MAST2: variants seen among roughly 807,000 people sequenced by gnomAD.
MAST2 encodes the protein microtubule associated serine/threonine kinase 2.
A neutral mutation model predicts 147.4 loss-of-function variants in MAST2; 70 were observed. That is an observed-to-expected ratio of 0.47 (90% CI 0.39 to 0.58). MAST2 has a LOEUF of 0.58. MAST2 is among the 20% of genes least tolerant of loss of function. MAST2 has a pLI of 0.00. For synonymous variants in MAST2, 869 were observed against 896.8 expected (o/e 0.97, Z 0.55); for missense variants, 2,080 against 2,302.3 (o/e 0.90, Z 1.98).
At chr1:45,992,877 TTAAG>T (rs1230412332) in intron 5 of MAST2, among the ~76,000 whole-genome samples, 1 of 152,134 alleles carries the variant, frequency 6.6e-6, no homozygotes, top group Non-Finnish European at 1.5e-5. Context: ...TTATTTGGGG[TTAAG>T]TGTGTATTTT....
At chr1:46,008,748 A>G (rs572607612) in intron 9 of MAST2, among the ~76,000 whole-genome samples, 54 of 152,318 alleles carry the variant, frequency 3.5e-4, no homozygotes, top group Non-Finnish European at 6.3e-4. Context: ...CACTCATTAC[A>G]GGATTTGCCC....
intron 5 of MAST2, among the ~76,000 whole-genome samples, chr1:45,993,582 G>T (rs1420761100): frequency 4.6e-5 from 7 of 152,080 alleles, no homozygotes. Flanking sequence ...TACTTGGGAG[G>T]CTAAGGCAGG....
At chr1:45,863,021 G>A (rs1646030667) in intron 3 of MAST2, among the ~76,000 whole-genome samples, 1 of 151,824 alleles carries the variant, frequency 6.6e-6, no homozygotes, top group African/African-American at 2.4e-5. Context: ...TTCTAGAATA[G>A]GATTATTAGT....
intron 3 of MAST2, among the ~76,000 whole-genome samples, chr1:45,834,730 A>G (rs919238806): frequency 1.3e-5 from 2 of 152,180 alleles, no homozygotes; most frequent in African/African-American, 4.8e-5. Flanking sequence ...CTGAATAAAC[A>G]TACTGGAGCC....
chr1:45,898,686 G>C (rs2148463142), intron 4 of MAST2, among the ~76,000 whole-genome samples: 1 of 152,236 alleles, frequency 6.6e-6, no homozygotes, highest in Middle Eastern at 3.4e-3. Context: ...CAGAGAATCT[G>C]CGCCATAGCC....
intron 3 of MAST2, among the ~76,000 whole-genome samples, chr1:45,869,506 G>A (rs1036988610): frequency 4.6e-5 from 7 of 152,178 alleles, no homozygotes; most frequent in African/African-American, 1.4e-4. Context: ...CACCTTTGGA[G>A]ATTTAAAGAA....
chr1:45,933,720 C>T (rs866927305), intron 4 of MAST2, among the ~76,000 whole-genome samples: 3 of 152,032 alleles, frequency 2.0e-5, no homozygotes, highest in Middle Eastern at 3.2e-3. Flanking sequence ...TGCCATTGCA[C>T]TCTAGCCTGG....
chr1:45,996,472 C>T lies in MAST2; in HGVS notation c.593-1252C>T, dbSNP rs543762527. Among the ~76,000 whole-genome samples, 8 of 152,168 alleles carry T rather than the reference C, an allele frequency of 5.3e-5. No homozygotes were observed. The East Asian group carries it at 1.5e-3, about 29-fold the overall frequency. ...GGATCACTTCCCTTATATCCTGGTG[C>T]CCACTAGCCAGAAGATGGGGAGAGG... On this transcript the variant is annotated intron_variant, in intron 5 of 28. Coordinates refer to ENST00000361297, the MANE Select transcript of MAST2 (RefSeq NM_015112.3).
At chr1:45,939,014 TGTATTTGGATG>T (rs1320486559) in intron 4 of MAST2, among the ~76,000 whole-genome samples, 1 of 152,146 alleles carries the variant, frequency 6.6e-6, no homozygotes, top group East Asian at 1.9e-4. Context: ...GTTCTTTCCA[TGTATTTGGATG>T]GTGTCGTTTG....
intron 3 of MAST2, chr1:45,847,476 G>A: frequency 4.6e-6 from 3 of 648,496 alleles, no homozygotes; most frequent in South Asian, 1.5e-5. Flanking sequence ...GAAACACAAG[G>A]CCTTTTCATT....
Position 46,034,561 on chromosome 1 carries a change from A to G in MAST2, c.3892A>G (p.Ser1298Gly). The G allele has an allele frequency of 6.2e-7, 1 of 1,613,540 alleles. No individual in the cohort carries two copies. The highest frequency in any genetic ancestry group is 1.7e-5 in the Admixed American group (1 of 59,990). The change falls in exon 29 of 29, where the codon AGC becomes GGC. Residue 1298 changes from serine to glycine, a missense_variant. Physicochemically the swap from Ser to Gly is moderately conservative, Grantham distance 56. Coordinates refer to ENST00000361297, the MANE Select transcript of MAST2 (RefSeq NM_015112.3). ...HSVGGNSSQSSSPSSSVPSSP... is the reference protein window; with the variant it reads ...HSVGGNSSQSGSPSSSVPSSP... Reference sequence around the variant, plus strand: ...AGTGGGAGGGAATTCATCACAGAGCAGCTCCCCCAGCTCCAGCGTGCCCAG... The same window carrying G: ...AGTGGGAGGGAATTCATCACAGAGCGGCTCCCCCAGCTCCAGCGTGCCCAG...
chr1:45,916,761 T>A (rs566463222), intron 4 of MAST2, among the ~76,000 whole-genome samples: 2 of 152,304 alleles, frequency 1.3e-5, no homozygotes, highest in East Asian at 3.9e-4. Context: ...ATTTGCAGTG[T>A]TTGGTTTGCC....
At chr1:45,991,558 G>C (rs1002098455) in intron 5 of MAST2, among the ~76,000 whole-genome samples, 2 of 152,076 alleles carry the variant, frequency 1.3e-5, no homozygotes, top group African/African-American at 4.8e-5. Context: ...TTTCATCAGA[G>C]TTTCGTAATT....
chr1:45,998,873 G>A (rs866115719), intron 6 of MAST2, among the ~76,000 whole-genome samples: 111 of 152,038 alleles, frequency 7.3e-4, no homozygotes, highest in African/African-American at 2.7e-3. Flanking sequence ...GACTACAGGC[G>A]CCCGCCATCA....
At chr1:45,892,123 G>C (rs566100119) in intron 4 of MAST2, among the ~76,000 whole-genome samples, 1 of 152,308 alleles carries the variant, frequency 6.6e-6, no homozygotes, top group African/African-American at 2.4e-5. Flanking sequence ...TCTCAAATGT[G>C]ACCTTTCAGG....
intron 4 of MAST2, among the ~76,000 whole-genome samples, chr1:45,946,982 A>G (rs1042652541): frequency 1.3e-5 from 2 of 152,296 alleles, no homozygotes; most frequent in Middle Eastern, 3.4e-3. Context: ...TTTTCTGGAT[A>G]CTTGACTTTT....
chr1:45,979,605 AGGTAG>A (rs1449454867), intron 5 of MAST2, among the ~76,000 whole-genome samples: 1 of 152,162 alleles, frequency 6.6e-6, no homozygotes, highest in Admixed American at 6.5e-5. Flanking sequence ...GGGGAAGCCA[AGGTAG>A]GGGAATTGCT....
rs1460535011 is a variant in MAST2 at position 46,025,721 on chromosome 1, G to A, written c.1825G>A (p.Val609Met). ...GCTGAAGAATATTGGGGCCCTGCCT[G>A]TGGACATGGTGCGTCTATACTTTGC... ...TLLKNIGALP[V>M]DMVRLYFAET... Residue 609 changes from valine (V) to methionine (M), a missense_variant, in exon 16 of 29, where the codon GTG becomes ATG. Around this residue, in one of 4 missense-constraint regions of MAST2, gnomAD observed 209 missense variants for 309.5 expected, o/e 0.68. Coordinates refer to ENST00000361297, the MANE Select transcript of MAST2 (RefSeq NM_015112.3). 3 of 1,614,218 alleles carry A rather than the reference G, an allele frequency of 1.9e-6. No individual in the cohort carries two copies. The highest frequency in any genetic ancestry group is 1.3e-5 in the African/African-American group (1 of 75,054).
At chr1:45,834,709 G>T (rs1645052365) in intron 3 of MAST2, among the ~76,000 whole-genome samples, 1 of 152,146 alleles carries the variant, frequency 6.6e-6, no homozygotes, top group African/African-American at 2.4e-5. Context: ...CTCTGATGCT[G>T]CTATGTGAAT....
Sources: gnomAD v4.1 joint callset for allele counts (sites outside exome capture counted in the v4.1 genomes callset) on GRCh38, gnomAD v4.1.1 for gene constraint, gnomAD v4.1.1 regional missense constraint, MANE v1.5 for transcripts, NCBI Gene and HGNC (gene_info 2026-07-23, HGNC 2026-07-21) for gene names.